RRM2: variants seen among roughly 807,000 people sequenced by gnomAD.
The protein encoded by RRM2 is ribonucleoside-diphosphate reductase subunit M2.
A neutral mutation model predicts 45.9 loss-of-function variants in RRM2; 6 were observed. The ratio of observed to expected loss-of-function variants is 0.13; its 90% CI spans 0.07 to 0.26. RRM2 has a LOEUF of 0.26. Among genes scored for constraint, RRM2 ranks in the 10% least tolerant of loss-of-function variants. The pLI, the probability that RRM2 is intolerant of heterozygous loss-of-function variation, is 1.00. For missense variants in RRM2, 343 were observed against 489.5 expected (o/e 0.70, Z 2.82); for synonymous variants, 177 against 173.0 (o/e 1.02, Z -0.18).
At chr2:10,187,990 C>T (rs920982614) in intron 3 of RRM2, among the ~76,000 whole-genome samples, 2 of 152,186 alleles carry the variant, frequency 1.3e-5, no homozygotes, top group African/African-American at 4.8e-5. Context: ...ATCAGAAACT[C>T]GGGGCGGTGG....
intron 3 of RRM2, among the ~76,000 whole-genome samples, chr2:10,176,074 T>C (rs1663908662): frequency 6.6e-6 from 1 of 152,226 alleles, no homozygotes; most frequent in Non-Finnish European, 1.5e-5. Flanking sequence ...AATATTTCAT[T>C]ATGGATATCA....
intron 3 of RRM2, among the ~76,000 whole-genome samples, chr2:10,192,213 G>A (rs1664322934): frequency 6.6e-6 from 1 of 152,214 alleles, no homozygotes; most frequent in African/African-American, 2.4e-5. Context: ...TCTCAGCCTG[G>A]GGACTGACCT....
rs1438977169 is a variant in RRM2, at chr2:10,171,636, G to T, written n.482+29261G>T. Among the ~76,000 whole-genome samples the T allele has an allele frequency of 2.0e-5, 3 of 152,156 alleles. No individual in the cohort carries two copies. Among genetic ancestry groups the T allele is most frequent in the Non-Finnish European group, 4.4e-5 (3 of 68,024 alleles). On this transcript the variant is annotated intron_variant and non_coding_transcript_variant, in intron 3 of 3. Coordinates refer to the RRM2 transcript ENST00000381786. The surrounding 1 kb of genome is among the most constrained non-coding windows in gnomAD (Gnocchi z 4.1). ...TGATCTGGGAGCAGCAGCAGCCGCT[G>T]TCCTGAGCATCTGGGTCAGGACGAC... is the stretch of plus-strand genomic sequence containing the variant.
At chr2:10,182,498 A>G (rs1427521883) in intron 3 of RRM2, among the ~76,000 whole-genome samples, 1 of 152,188 alleles carries the variant, frequency 6.6e-6, no homozygotes, top group Non-Finnish European at 1.5e-5. Flanking sequence ...TAAAAAATAA[A>G]TATACACAGT....
Position 10,126,883 on chromosome 2 carries a change from T to C in RRM2, c.578T>C (p.Leu193Pro). 1.9e-6 allele frequency: 3 copies of C among 1,613,302 alleles called. No individual in the cohort carries two copies. The highest frequency in any genetic ancestry group is 2.5e-6 in the Non-Finnish European group (3 of 1,179,600). The change falls in exon 6 of 10, where the codon CTC (leucine) becomes CCC (proline). Residue 193 changes from leucine (L) to proline (P), a missense_variant. Coordinates refer to ENST00000304567, the MANE Select transcript of RRM2 (RefSeq NM_001034.4). ...YIKDPKEREF[L>P]FNAIETMPCV... ...CCGTATGTGCCTACTAGGGAATTTC[T>C]CTTCAATGCCATTGAAACGATGCCT...
At position 10,169,820 on chromosome 2, in the gene RRM2, G is replaced by T. The variant is rs998862471; in HGVS notation, n.482+27445G>T. ...GGGATGGCAGCCCCCGGGGATCTGA[G>T]GAAGTCTGGGAGCTGGCTTTGAACT... On this transcript the variant is annotated intron_variant and non_coding_transcript_variant, in intron 3 of 3. Coordinates refer to the RRM2 transcript ENST00000381786. This position sits in a 1 kb window ranked among gnomAD's most constrained non-coding sequence, Gnocchi z 5.1. 9.2e-5 allele frequency among the ~76,000 whole-genome samples: 14 copies of T among 152,214 alleles called. No homozygotes were observed. Among genetic ancestry groups the T allele is most frequent in the African/African-American group, 3.4e-4 (14 of 41,462 alleles).
chr2:10,129,659 T>C lies in RRM2; in HGVS notation c.*273T>C, dbSNP rs1662856549. The C allele has an allele frequency of 9.4e-6, 4 of 427,288 alleles. No homozygotes were observed. The South Asian group carries it at 1.7e-4, about 18-fold the overall frequency. 26.5% of individuals were successfully genotyped at this position (427,288 alleles called of 1,614,324 possible). A position where few individuals can be genotyped will look rare whatever the true frequency, so the allele number is the denominator to read the frequency against. The stretch of plus-strand genomic sequence containing the variant: ...AGTGAGGGGTGACCCTTTAGTGAGC[T>C]TAGCACAGCGGGATTAAACAGTCCT... On this transcript the variant is annotated 3_prime_UTR_variant, in exon 10 of 10. Coordinates refer to ENST00000304567, the MANE Select transcript of RRM2 (RefSeq NM_001034.4). This position sits in a 1 kb window ranked among gnomAD's most constrained non-coding sequence, Gnocchi z 4.8.
At chr2:10,178,965 T>A (rs2125324916) in intron 3 of RRM2, among the ~76,000 whole-genome samples, 1 of 152,296 alleles carries the variant, frequency 6.6e-6, no homozygotes, top group Non-Finnish European at 1.5e-5. Flanking sequence ...GGCACCTTGA[T>A]CTTGGACTTC....
At chr2:10,134,972 G>C (rs773075323), downstream of RRM2, among the ~76,000 whole-genome samples, 7 of 152,206 alleles carry the variant, frequency 4.6e-5, no homozygotes, top group Non-Finnish European at 1.0e-4. Context: ...TGAAGCTGCA[G>C]AACATGAACA....
At position 10,158,769 on chromosome 2, in the gene RRM2, G is replaced by A. The variant is rs368164428; in HGVS notation, n.482+16394G>A. Among the ~76,000 whole-genome samples the A allele has an allele frequency of 2.6e-5, 4 of 152,222 alleles. No homozygotes were observed. In the East Asian group the frequency reaches 5.8e-4, roughly 22 times the overall value. On this transcript the variant is annotated intron_variant and non_coding_transcript_variant, in intron 3 of 3. Transcript: ENST00000381786. ...AGACTGGCATGGGGGCCGGGGCCGT[G>A]CTCTGAGGAAGGCCTGGCTGCCCCA... is the stretch of plus-strand genomic sequence containing the variant.
chr2:10,163,737 C>T (rs1280172687), intron 3 of RRM2, among the ~76,000 whole-genome samples: 1 of 152,200 alleles, frequency 6.6e-6, no homozygotes, highest in African/African-American at 2.4e-5. Context: ...AGTGGCTGTT[C>T]TCTCCCCTCT....
intron 3 of RRM2, among the ~76,000 whole-genome samples, chr2:10,147,630 A>T (rs995015323): frequency 6.6e-6 from 1 of 152,224 alleles, no homozygotes; most frequent in African/African-American, 2.4e-5. Flanking sequence ...AAATGTTGAG[A>T]CTACAGGTGT....
intron 3 of RRM2, among the ~76,000 whole-genome samples, chr2:10,144,934 A>T (rs1403832232): frequency 1.4e-4 from 22 of 152,166 alleles, no homozygotes; most frequent in Admixed American, 1.4e-3. Flanking sequence ...TGTTATGCAA[A>T]GTGTACACCA....
rs138120670 is a variant in RRM2 at position 10,159,920 on chromosome 2, G to A, written n.482+17545G>A. Among the ~76,000 whole-genome samples the A allele has an allele frequency of 2.0e-3, 312 of 152,266 alleles. 2 individuals carry two copies. The highest frequency in any genetic ancestry group is 6.9e-3 in the African/African-American group (288 of 41,556). ...GAGGTGGGAAGCGCCCAGGAGGCCC[G>A]GCTCTCCTTGAGGACACAGCTCTGC... On this transcript the variant is annotated intron_variant and non_coding_transcript_variant, in intron 3 of 3. Transcript: ENST00000381786.
At chr2:10,149,348 C>T (rs922640469) in intron 3 of RRM2, among the ~76,000 whole-genome samples, 3 of 152,128 alleles carry the variant, frequency 2.0e-5, no homozygotes, top group Admixed American at 6.6e-5. Context: ...AGGCTGGTCT[C>T]GAACTCCTGG....
chr2:10,122,973 C>G lies in RRM2; in HGVS notation c.100-10C>G. The G allele has an allele frequency of 6.5e-7, 1 of 1,548,868 alleles. No individual in the cohort carries two copies. The highest frequency in any genetic ancestry group is 8.7e-7 in the Non-Finnish European group (1 of 1,152,058). ...GAAGCCGCTCCTCACTCACACGCGT[C>G]TCCCCGCAGCCGCCGGCCCTGAGCG... On this transcript the variant is annotated splice_polypyrimidine_tract_variant and intron_variant, in intron 1 of 9. Transcript: ENST00000304567.
At chr2:10,123,149 G>T in intron 2 of RRM2, 92 bp downstream of exon 2, 18 of 1,402,168 alleles carry the variant, frequency 1.3e-5, no homozygotes, top group Admixed American at 2.5e-5. Flanking sequence ...TCACACTCCC[G>T]CCCCGGCTCC....
intron 3 of RRM2, among the ~76,000 whole-genome samples, chr2:10,142,606 C>T (rs1378626582): frequency 6.6e-6 from 1 of 151,712 alleles, no homozygotes; most frequent in Non-Finnish European, 1.5e-5. Flanking sequence ...GTCCTGCGAT[C>T]CCCCTCCCAT....
chr2:10,123,396 G>C lies in RRM2; in HGVS notation c.184G>C (p.Ala62Pro). The C allele has an allele frequency of 6.2e-7, 1 of 1,602,518 alleles. No individual in the cohort carries two copies. The highest frequency in any genetic ancestry group is 8.5e-7 in the Non-Finnish European group (1 of 1,176,966). ...TTTTCTCCCCCAACAGAAAACTAAA[G>C]CAGCTGCCCCCGGCGTGGAGGATGA... ...FQEPTEPKTK[A>P]AAPGVEDEPL... Residue 62 changes from alanine to proline, a missense_variant, in exon 3 of 10, where the codon GCA becomes CCA. By Grantham distance (27) the Ala-to-Pro change is conservative (BLOSUM62 -1). Transcript: ENST00000304567.
Sources: gnomAD v4.1 joint callset for allele counts (sites outside exome capture counted in the v4.1 genomes callset) on GRCh38, gnomAD v4.1.1 for gene constraint, Gnocchi (gnomAD v3.1) non-coding constraint, MANE v1.5 for transcripts, NCBI Gene and HGNC (gene_info 2026-07-23, HGNC 2026-07-21) for gene names.